PLCG2: variants seen among roughly 807,000 people sequenced by gnomAD.
PLCG2 encodes the protein 1-phosphatidylinositol 4,5-bisphosphate phosphodiesterase gamma-2.
PLCG2 carries 69 observed loss-of-function variants against 175.6 expected under a neutral mutation model. The ratio of observed to expected loss-of-function variants is 0.39; its 90% CI spans 0.32 to 0.48. The LOEUF (loss-of-function observed/expected upper bound fraction) is 0.48, where lower values mean the gene tolerates loss of function less well. Among genes scored for constraint, PLCG2 ranks in the 20% least tolerant of loss-of-function variants. PLCG2 has a pLI of 0.91. For synonymous variants in PLCG2, 827 were observed against 624.0 expected (o/e 1.33, Z -4.85); for missense variants, 1,798 against 1,650.9 (o/e 1.09, Z -1.54).
chr16:81,754,081 T>A (rs938903320), intron 1 of PLCG2, among the ~76,000 whole-genome samples: 6 of 151,994 alleles, frequency 3.9e-5, no homozygotes, highest in Admixed American at 3.9e-4. Context: ...CTGAAAGGAC[T>A]TCGCTCCTTG....
At chr16:81,792,962 T>C (rs1911306141) in intron 2 of PLCG2, among the ~76,000 whole-genome samples, 1 of 152,200 alleles carries the variant, frequency 6.6e-6, no homozygotes, top group Non-Finnish European at 1.5e-5. Context: ...TAATAGTAGT[T>C]TCTATCTTAT....
At chr16:81,934,980 G>C (rs779506994) in intron 26 of PLCG2, among the ~76,000 whole-genome samples, 4 of 151,758 alleles carry the variant, frequency 2.6e-5, no homozygotes, top group Non-Finnish European at 4.4e-5. Flanking sequence ...TAACACGTGG[G>C]AATTATGGGA....
chr16:81,823,957 C>T (rs1567482974), intron 2 of PLCG2, among the ~76,000 whole-genome samples: 1 of 145,780 alleles, frequency 6.9e-6, no homozygotes, highest in Admixed American at 7.1e-5. Context: ...CTTTCCCTTT[C>T]CCTTTCCTTC....
intron 30 of PLCG2, among the ~76,000 whole-genome samples, chr16:81,942,279 A>C (rs1341357929): frequency 6.6e-6 from 1 of 152,188 alleles, no homozygotes; most frequent in Non-Finnish European, 1.5e-5. Context: ...TGGGCATCAA[A>C]GTGTGTCAAT....
chr16:81,858,199 G>A, intron 3 of PLCG2, 64 bp from the exon 4 acceptor site: 2 of 1,148,108 alleles, frequency 1.7e-6, no homozygotes, highest in South Asian at 1.2e-5. Context: ...ATGGGGCAGG[G>A]CTTTGTAAGC....
At chr16:81,764,211 G>C (rs577120074) in intron 2 of PLCG2, among the ~76,000 whole-genome samples, 1 of 152,140 alleles carries the variant, frequency 6.6e-6, no homozygotes, top group African/African-American at 2.4e-5. Flanking sequence ...GAGGATTGCT[G>C]GAGCCCAGGA....
chr16:81,857,411 C>G (rs1351998001), intron 3 of PLCG2, among the ~76,000 whole-genome samples: 2 of 152,188 alleles, frequency 1.3e-5, no homozygotes, highest in Non-Finnish European at 2.9e-5. Flanking sequence ...CTTCCACTGT[C>G]TCAGTGTGCT....
intron 7 of PLCG2, among the ~76,000 whole-genome samples, chr16:81,873,740 G>A (rs1410020590): frequency 6.6e-6 from 1 of 151,854 alleles, no homozygotes; most frequent in Non-Finnish European, 1.5e-5. Context: ...GACTAGCCTG[G>A]GCAACATAGT....
chr16:81,784,196 C>T (rs1267223034), intron 1 of PLCG2, among the ~76,000 whole-genome samples: 1 of 152,132 alleles, frequency 6.6e-6, no homozygotes, highest in Non-Finnish European at 1.5e-5. Flanking sequence ...GAGGTGGGGG[C>T]AAAGGGCAAA....
chr16:81,759,198 C>T (rs1204867091), intron 2 of PLCG2, among the ~76,000 whole-genome samples: 1 of 152,036 alleles, frequency 6.6e-6, no homozygotes, highest in Non-Finnish European at 1.5e-5. Context: ...GATACTAGTC[C>T]TTTATCAGAT....
At chr16:81,745,677 G>C (rs1038860293) in intron 1 of PLCG2, among the ~76,000 whole-genome samples, 2 of 152,206 alleles carry the variant, frequency 1.3e-5, no homozygotes, top group Non-Finnish European at 2.9e-5. Flanking sequence ...GTAAGAAAAA[G>C]TAGGTTAGGT....
At chr16:81,818,197 G>T (rs376903479) in intron 2 of PLCG2, among the ~76,000 whole-genome samples, 3 of 152,220 alleles carry the variant, frequency 2.0e-5, no homozygotes, top group South Asian at 2.1e-4. Context: ...CTGTGCCTCA[G>T]TTTCCTCACT....
chr16:81,846,235 G>A (rs1308208356), intron 2 of PLCG2, among the ~76,000 whole-genome samples: 1 of 151,956 alleles, frequency 6.6e-6, no homozygotes, highest in Non-Finnish European at 1.5e-5. Context: ...GGGAGGACAA[G>A]AGGACTGGCC....
At chr16:81,770,389 A>T (rs1301141888) in intron 2 of PLCG2, among the ~76,000 whole-genome samples, 1 of 152,236 alleles carries the variant, frequency 6.6e-6, no homozygotes, top group African/African-American at 2.4e-5. Context: ...AGTCAGAGAC[A>T]TGTGAACATA....
chr16:81,828,908 T>C (rs1905149235), intron 2 of PLCG2, among the ~76,000 whole-genome samples: 1 of 152,154 alleles, frequency 6.6e-6, no homozygotes, highest in Non-Finnish European at 1.5e-5. Context: ...AGAGGCTGTA[T>C]CTTACCAACT....
chr16:81,833,692 G>C (rs1905367425), intron 2 of PLCG2, among the ~76,000 whole-genome samples: 1 of 151,804 alleles, frequency 6.6e-6, no homozygotes, highest in African/African-American at 2.4e-5. Flanking sequence ...ACTACTCCTG[G>C]CTAATTATTA....
intron 2 of PLCG2, among the ~76,000 whole-genome samples, chr16:81,789,322 G>C (rs893601517): frequency 3.3e-5 from 5 of 152,216 alleles, no homozygotes; most frequent in Non-Finnish European, 7.3e-5. Flanking sequence ...ACAGGGTCTT[G>C]CTCTGTTGCC....
intron 5 of PLCG2, among the ~76,000 whole-genome samples, chr16:81,868,299 C>T (rs11150421): frequency 0.45 from 68,666 of 152,052 alleles, 16,636 homozygotes; most frequent in Non-Finnish European, 0.54. Context: ...CTTGTTCCTT[C>T]CCACTTCCCC....
chr16:81,741,974 C>T (rs1909604100), intron 1 of PLCG2, among the ~76,000 whole-genome samples: 1 of 152,148 alleles, frequency 6.6e-6, no homozygotes, highest in Non-Finnish European at 1.5e-5. Flanking sequence ...AACGCCAGAG[C>T]GCGTTCCTCC....
Sources: allele counts gnomAD v4.1 joint callset (sites outside exome capture counted in the v4.1 genomes callset), GRCh38; gene constraint gnomAD v4.1.1; transcripts MANE v1.5; gene names NCBI Gene and HGNC (gene_info 2026-07-23, HGNC 2026-07-21).